EDA: variants seen among roughly 807,000 people sequenced by gnomAD.
EDA encodes the protein ectodysplasin A, also known as ectodysplasin-A.
In EDA, 2 loss-of-function variants were observed where a neutral mutation model predicts 23.6. The observed-to-expected ratio is 0.08, with a 90% confidence interval of 0.03 to 0.27. The LOEUF is 0.27. Among genes scored for constraint, EDA ranks in the 10% least tolerant of loss-of-function variants. EDA has a pLI of 1.00. For missense variants in EDA, 229 were observed against 324.2 expected, an observed-to-expected ratio of 0.71 and a Z score of 2.26; for synonymous variants, 131 against 132.0, an observed-to-expected ratio of 0.99 and a Z score of 0.05.
chrX:69,779,106 A>G (rs776629856), intron 1 of EDA, among the ~76,000 whole-genome samples: 6 of 111,775 alleles, frequency 5.4e-5, no homozygotes, highest in Non-Finnish European at 1.1e-4. Flanking sequence ...GCCAGTGTAG[A>G]AACAGTTTGG....
chrX:69,777,475 C>T (rs1036966567), intron 1 of EDA, among the ~76,000 whole-genome samples: 3 of 111,087 alleles, frequency 2.7e-5, no homozygotes, highest in African/African-American at 9.8e-5. Context: ...TACATCTAAC[C>T]GACATGTTTC....
intron 1 of EDA, among the ~76,000 whole-genome samples, chrX:69,755,961 G>T (rs1044792675): frequency 1.8e-5 from 2 of 112,157 alleles, no homozygotes; most frequent in Non-Finnish European, 3.8e-5. Context: ...GGTACCATCT[G>T]TCACAGCTTC....
intron 1 of EDA, among the ~76,000 whole-genome samples, chrX:69,708,101 G>A (rs771590827): frequency 3.2e-3 from 361 of 111,473 alleles, no homozygotes; most frequent in Middle Eastern, 9.2e-3. Context: ...TCCGACTTCC[G>A]ATGCCAATCT....
At chrX:69,630,259 G>A (rs991768399) in intron 1 of EDA, among the ~76,000 whole-genome samples, 1 of 111,410 alleles carries the variant, frequency 9.0e-6, no homozygotes, top group Non-Finnish European at 1.9e-5. Context: ...TAGAATTCTA[G>A]CATTTAATTT....
chrX:69,902,639 A>T (rs1033731609), intron 1 of EDA, among the ~76,000 whole-genome samples: 1 of 112,288 alleles, frequency 8.9e-6, no homozygotes, highest in Non-Finnish European at 1.9e-5. Flanking sequence ...TTGATCTGGC[A>T]GTTTAACAAC....
chrX:69,800,181 A>G (rs944400854), intron 1 of EDA, among the ~76,000 whole-genome samples: 1 of 111,876 alleles, frequency 8.9e-6, no homozygotes, highest in African/African-American at 3.2e-5. Context: ...ACATGAAGAT[A>G]GAGTGGAATG....
At chrX:69,834,134 A>C (rs1340759504) in intron 1 of EDA, among the ~76,000 whole-genome samples, 1 of 110,306 alleles carries the variant, frequency 9.1e-6, no homozygotes, top group Non-Finnish European at 1.9e-5. Context: ...ACATGAACTC[A>C]TCCAACTATG....
chrX:70,019,588 T>C (rs897539564), intron 2 of EDA, among the ~76,000 whole-genome samples: 5 of 112,161 alleles, frequency 4.5e-5, no homozygotes. Context: ...ATCATGTTCT[T>C]TGCAGCAACA....
intron 1 of EDA, among the ~76,000 whole-genome samples, chrX:69,825,543 T>C (rs1315391979): frequency 8.9e-6 from 1 of 111,987 alleles, no homozygotes; most frequent in East Asian, 2.8e-4. Flanking sequence ...TCTGTGGTGA[T>C]ATCCCCTTTA....
chrX:69,937,110 A>T, intron 1 of EDA: 1 of 841,553 alleles, frequency 1.2e-6, no homozygotes, highest in South Asian at 2.2e-5. Context: ...ACCTATATAC[A>T]AGCATGTGTG....
chrX:69,979,016 T>C (rs2019364231), intron 2 of EDA, among the ~76,000 whole-genome samples: 1 of 111,312 alleles, frequency 9.0e-6, no homozygotes, highest in African/African-American at 3.3e-5. Flanking sequence ...AACTTTTTCC[T>C]CCTTCCAAAA....
At chrX:69,753,659 A>G in intron 1 of EDA, among the ~76,000 whole-genome samples, 1 of 111,201 alleles carries the variant, frequency 9.0e-6, no homozygotes. Context: ...GATCTGTTTA[A>G]TGTTGACAGT....
intron 1 of EDA, among the ~76,000 whole-genome samples, chrX:69,951,236 C>A (rs188309232): frequency 9.0e-6 from 1 of 111,427 alleles, no homozygotes; most frequent in East Asian, 2.8e-4. Context: ...CGCCCTTCTG[C>A]CTTCCATCAT....
At chrX:69,725,839 A>G (rs1048018298) in intron 1 of EDA, among the ~76,000 whole-genome samples, 1 of 112,602 alleles carries the variant, frequency 8.9e-6, no homozygotes, top group African/African-American at 3.2e-5. Flanking sequence ...GTTTAAAAGC[A>G]TCACAGTGTT....
At chrX:69,655,266 T>C (rs1317162019) in intron 1 of EDA, among the ~76,000 whole-genome samples, 1 of 111,079 alleles carries the variant, frequency 9.0e-6, no homozygotes, top group Non-Finnish European at 1.9e-5. Flanking sequence ...ATGTGGTGCA[T>C]GCCTGTAATC....
At chrX:69,716,025 T>C (rs1420167432) in intron 1 of EDA, among the ~76,000 whole-genome samples, 1 of 111,985 alleles carries the variant, frequency 8.9e-6, no homozygotes, top group African/African-American at 3.2e-5. Context: ...TATGGGTTAT[T>C]TGTTTAATCT....
chrX:69,907,278 C>G (rs1454472546), intron 1 of EDA, among the ~76,000 whole-genome samples: 1 of 111,758 alleles, frequency 8.9e-6, no homozygotes, highest in Non-Finnish European at 1.9e-5. Context: ...AAGGGAGTAT[C>G]TAAAACAGTC....
At position 70,037,556 on chromosome X, in the gene EDA, T is replaced by C. The variant is rs2020282701; in HGVS notation, c.*1947T>C. 8.9e-6 allele frequency: 1 copy of C among 112,082 alleles called. No individual in the cohort carries two copies. The highest frequency in any genetic ancestry group is 1.9e-5 in the Non-Finnish European group (1 of 53,215). 9.2% of individuals were successfully genotyped at this position (112,082 alleles called of 1,213,427 possible). A position where few individuals can be genotyped will look rare whatever the true frequency, so the allele number is the denominator to read the frequency against. ...TAGATGAGGCTCAGAGAGGTAGCAC[T>C]CTCAGAGTGTTTTGACCAGTTTAAG... is the stretch of plus-strand genomic sequence containing the variant. On this transcript the variant is annotated 3_prime_UTR_variant, in exon 8 of 8. Transcript: ENST00000374552.
chrX:69,842,977 C>G (rs759390636), intron 1 of EDA, among the ~76,000 whole-genome samples: 1 of 111,698 alleles, frequency 9.0e-6, no homozygotes, highest in Non-Finnish European at 1.9e-5. Context: ...CATGAGCCAA[C>G]GAAACCTCTT....
Sources: allele counts gnomAD v4.1 joint callset (sites outside exome capture counted in the v4.1 genomes callset), GRCh38; gene constraint gnomAD v4.1.1; transcripts MANE v1.5; gene names NCBI Gene and HGNC (gene_info 2026-07-23, HGNC 2026-07-21).